PCDHA13: variants seen among roughly 807,000 people sequenced by gnomAD.
The protein encoded by PCDHA13 is protocadherin alpha 13.
In PCDHA13, 54 loss-of-function variants were observed where a neutral mutation model predicts 64.8. The observed-to-expected ratio is 0.83, with a 90% CI of 0.67 to 1.04. The LOEUF (loss-of-function observed/expected upper bound fraction) is 1.04, where lower values mean the gene tolerates loss of function less well. Among genes scored for constraint, PCDHA13 ranks in the 50% least tolerant of loss-of-function variants. The pLI is 0.00. For synonymous variants in PCDHA13, 587 were observed against 564.4 expected, an observed-to-expected ratio of 1.04 and a Z score of -0.57; for missense variants, 1,248 against 1,254.3, an observed-to-expected ratio of 0.99 and a Z score of 0.08.
chr5:140,995,867 G>A (rs1355291744), intron 3 of PCDHA13, among the ~76,000 whole-genome samples: 1 of 152,152 alleles, frequency 6.6e-6, no homozygotes, highest in Non-Finnish European at 1.5e-5. Flanking sequence ...CTTAATAATT[G>A]TGCAACCTGT....
chr5:140,985,977 G>A (rs1341198195), intron 3 of PCDHA13, among the ~76,000 whole-genome samples: 3 of 151,932 alleles, frequency 2.0e-5, no homozygotes, highest in African/African-American at 7.3e-5. Flanking sequence ...CTGACCTCGT[G>A]ATCCGCCCAC....
chr5:140,922,605 A>G (rs1328283001), intron 1 of PCDHA13, among the ~76,000 whole-genome samples: 2 of 152,258 alleles, frequency 1.3e-5, no homozygotes, highest in African/African-American at 4.8e-5. Flanking sequence ...AGTTGAAGAT[A>G]TATTAAAACT....
chr5:140,949,550 G>A (rs1195934854), intron 1 of PCDHA13, among the ~76,000 whole-genome samples: 11 of 151,608 alleles, frequency 7.3e-5, no homozygotes, highest in Admixed American at 7.2e-4. Flanking sequence ...TTTGTTGCTG[G>A]TCATACTTTT....
intron 3 of PCDHA13, among the ~76,000 whole-genome samples, chr5:141,006,608 G>A (rs2098279719): frequency 6.6e-6 from 1 of 152,200 alleles, no homozygotes; most frequent in African/African-American, 2.4e-5. Flanking sequence ...GAAGCAGACT[G>A]AATAAGGAGA....
At chr5:140,949,290 G>C (rs552572317) in intron 1 of PCDHA13, among the ~76,000 whole-genome samples, 5 of 151,900 alleles carry the variant, frequency 3.3e-5, no homozygotes, top group South Asian at 2.1e-4. Flanking sequence ...TGTATATTCT[G>C]TAATTGTTGG....
At chr5:140,887,982 A>T (rs1372528675) in intron 1 of PCDHA13, among the ~76,000 whole-genome samples, 1 of 152,180 alleles carries the variant, frequency 6.6e-6, no homozygotes, top group African/African-American at 2.4e-5. Flanking sequence ...AATTTATTTT[A>T]CATGTCTCCA....
chr5:140,914,185 C>G (rs1183431482), intron 1 of PCDHA13, among the ~76,000 whole-genome samples: 1 of 152,130 alleles, frequency 6.6e-6, no homozygotes, highest in Non-Finnish European at 1.5e-5. Flanking sequence ...AATTCTCCAC[C>G]TATTATTGTA....
chr5:140,968,135 G>C (rs2096222877), intron 1 of PCDHA13: 2 of 1,614,034 alleles, frequency 1.2e-6, no homozygotes, highest in Non-Finnish European at 1.7e-6. Flanking sequence ...TACACTGAAG[G>C]TTGAGATCTC....
chr5:140,887,317 C>T lies in PCDHA13; in HGVS notation c.2394+2655C>T, dbSNP rs10066665. ...TTCATCTTGTTAGCCAGGATAGTCT[C>T]GAACTCCTGACCTCGTGATCCACCT... On this transcript the variant is annotated intron_variant, in intron 1 of 3. Transcript: ENST00000289272. Among the ~76,000 whole-genome samples the T allele has an allele frequency of 7.3e-3, 1,116 of 152,162 alleles. 15 individuals carry two copies. The highest frequency in any genetic ancestry group is 0.025 in the African/African-American group (1,043 of 41,520).
At chr5:140,990,011 G>T (rs1246081885) in intron 3 of PCDHA13, among the ~76,000 whole-genome samples, 1 of 152,074 alleles carries the variant, frequency 6.6e-6, no homozygotes, top group Non-Finnish European at 1.5e-5. Context: ...CAAGGGCGTG[G>T]GCTAGGCAAA....
At chr5:140,902,933 T>C (rs898632295) in intron 1 of PCDHA13, among the ~76,000 whole-genome samples, 56 of 152,346 alleles carry the variant, frequency 3.7e-4, no homozygotes, top group African/African-American at 1.2e-3. Flanking sequence ...GGTGTATATA[T>C]ACCACATTTT....
At chr5:140,967,708 C>A (rs782464741) in intron 1 of PCDHA13, 1 of 1,614,158 alleles carries the variant, frequency 6.2e-7, no homozygotes, top group Admixed American at 1.7e-5. Context: ...ATGCCAGTAC[C>A]GGGGAAGTGC....
In PCDHA13 at chr5:140,897,967, T is replaced by G. The variant is rs1277557012; in HGVS notation, c.2394+13305T>G. On this transcript the variant is annotated intron_variant, in intron 1 of 3. Transcript: ENST00000289272. Reference sequence around the variant, plus strand: ...ATGATTAGCATTTTTTCATGTGTCTTTTGGCTGCATAAATGTCTTCTTTTG... The same window carrying G: ...ATGATTAGCATTTTTTCATGTGTCTGTTGGCTGCATAAATGTCTTCTTTTG... Among the ~76,000 whole-genome samples, 3 of 152,364 alleles carry G rather than the reference T, an allele frequency of 2.0e-5. No homozygotes were observed. In the East Asian group the frequency reaches 5.8e-4, roughly 29 times the overall value.
chr5:141,010,129 G>A lies in PCDHA13; in HGVS notation c.*192G>A, dbSNP rs781919488. The A allele has an allele frequency of 3.7e-6, 6 of 1,601,792 alleles. No individual in the cohort carries two copies. The highest frequency in any genetic ancestry group is 5.1e-6 in the Non-Finnish European group (6 of 1,173,386). On this transcript the variant is annotated 3_prime_UTR_variant, in exon 4 of 4. Coordinates refer to ENST00000289272, the MANE Select transcript of PCDHA13 (RefSeq NM_018904.3). Reference sequence around the variant, plus strand: ...TGTCGTAAAAGCTTTACTAAGTCTGGTGTTAACTCTTTCTCTCCACTCTGG... The same window carrying A: ...TGTCGTAAAAGCTTTACTAAGTCTGATGTTAACTCTTTCTCTCCACTCTGG...
intron 1 of PCDHA13, among the ~76,000 whole-genome samples, chr5:140,954,988 A>G (rs554115730): frequency 2.0e-5 from 3 of 152,204 alleles, no homozygotes; most frequent in Admixed American, 6.5e-5. Context: ...AATTTTCTGC[A>G]TATGGCTAGC....
At chr5:140,994,562 G>A (rs1554254244) in intron 3 of PCDHA13, among the ~76,000 whole-genome samples, 2 of 152,094 alleles carry the variant, frequency 1.3e-5, no homozygotes, top group Non-Finnish European at 2.9e-5. Context: ...AAAATTAGCC[G>A]GGTGTGGTGG....
chr5:141,007,481 T>C (rs2098332347), intron 3 of PCDHA13, among the ~76,000 whole-genome samples: 1 of 151,600 alleles, frequency 6.6e-6, no homozygotes, highest in Non-Finnish European at 1.5e-5. Context: ...GGCACGAGAA[T>C]TACTTGGACC....
At position 140,883,518 on chromosome 5, in the gene PCDHA13, G is replaced by A; in HGVS notation, c.1250G>A (p.Ser417Asn). 1.2e-6 allele frequency: 2 copies of A among 1,614,234 alleles called. No homozygotes were observed. Among genetic ancestry groups the A allele is most frequent in the South Asian group, 1.1e-5 (1 of 91,088 alleles). ...LVLDSALDRE[S>N]VSAYELVVTA... Reference sequence around the variant, plus strand: ...CTGGACAGCGCCCTGGACCGCGAGAGCGTATCAGCCTATGAACTGGTGGTG... The same window carrying A: ...CTGGACAGCGCCCTGGACCGCGAGAACGTATCAGCCTATGAACTGGTGGTG... Residue 417 changes from serine (S) to asparagine (N), a missense_variant, in exon 1 of 4, where the codon AGC (serine) becomes AAC (asparagine). Physicochemically the swap from Ser to Asn is conservative, Grantham distance 46. Transcript: ENST00000289272.
chr5:140,977,514 A>G (rs1554238605), intron 1 of PCDHA13, among the ~76,000 whole-genome samples: 13 of 152,216 alleles, frequency 8.5e-5, no homozygotes. Context: ...CATTTTGTGA[A>G]CTTGAAAACA....
Sources: gnomAD v4.1 joint callset for allele counts (sites outside exome capture counted in the v4.1 genomes callset) on GRCh38, gnomAD v4.1.1 for gene constraint, MANE v1.5 for transcripts, NCBI Gene and HGNC (gene_info 2026-07-23, HGNC 2026-07-21) for gene names.